Variants in CASR observed in about 807,000 individuals in gnomAD.
CASR encodes extracellular calcium-sensing receptor.
A neutral mutation model predicts 69.1 loss-of-function variants in CASR; 23 were observed. The observed-to-expected ratio is 0.33, with a 90% CI of 0.24 to 0.47. The LOEUF (loss-of-function observed/expected upper bound fraction) is 0.47, where lower values mean the gene tolerates loss of function less well. Among genes scored for constraint, CASR ranks in the 20% least tolerant of loss-of-function variants. CASR has a pLI of 1.00. For missense variants in CASR, 924 were observed against 1,356.1 expected (o/e 0.68, Z 5.00); for synonymous variants, 541 against 544.7 (o/e 0.99, Z 0.10).
chr3:122,230,417 C>A (rs1372264826), intron 1 of CASR, among the ~76,000 whole-genome samples: 1 of 152,260 alleles, frequency 6.6e-6, no homozygotes, highest in Non-Finnish European at 1.5e-5. Flanking sequence ...ACAGCCTGGC[C>A]TGCAGCGGAT....
At position 122,234,813 on chromosome 3, in the gene CASR, C is replaced by T. The variant is rs117835180; in HGVS notation, c.-242-19135C>T. The stretch of plus-strand genomic sequence containing the variant: ...AAGTTTATCTGAGACAGTGTTCCTC[C>T]GGACCAGCTTCGGGTGTCATTAGCA... On this transcript the variant is annotated intron_variant, in intron 1 of 6. Transcript: ENST00000639785. 9.9e-4 allele frequency among the ~76,000 whole-genome samples: 151 copies of T among 152,306 alleles called. 4 individuals are homozygous for T. The East Asian group carries it at 0.014, about 14-fold the overall frequency.
intron 2 of CASR, 87 bp from the exon 3 acceptor site, chr3:122,256,994 T>C (rs377765835): frequency 9.1e-7 from 1 of 1,103,034 alleles, no homozygotes; most frequent in Non-Finnish European, 1.4e-6. Context: ...AACAGTTCGA[T>C]GATTCAAACC....
chr3:122,244,189 T>C (rs2074405296), intron 1 of CASR, among the ~76,000 whole-genome samples: 1 of 152,174 alleles, frequency 6.6e-6, no homozygotes, highest in African/African-American at 2.4e-5. Context: ...ATAATTGGAT[T>C]GTTTGTAACA....
intron 2 of CASR, among the ~76,000 whole-genome samples, 164 bp from the exon 3 acceptor site, chr3:122,256,917 G>A (rs1463428512): frequency 2.0e-5 from 3 of 152,286 alleles, no homozygotes; most frequent in East Asian, 3.9e-4. Context: ...CACCACGCCC[G>A]GCCATGTCAT....
At position 122,286,909 on chromosome 3, in the gene CASR, G is replaced by A. The variant is rs2074975494; in HGVS notation, c.*1718G>A. Reference sequence around the variant, plus strand: ...CTTTCAGTGATTTGTAGGGCAAATTGGTGGACTTGATAGTTGTTAAGATTA... The same window carrying A: ...CTTTCAGTGATTTGTAGGGCAAATTAGTGGACTTGATAGTTGTTAAGATTA... On this transcript the variant is annotated 3_prime_UTR_variant, in exon 7 of 7. Transcript: ENST00000639785. The A allele has an allele frequency of 6.6e-6, 1 of 152,202 alleles. No homozygotes were observed. Among genetic ancestry groups the A allele is most frequent in the African/African-American group, 2.4e-5 (1 of 41,446 alleles). The allele number at this position is 152,202 out of a possible 1,614,324, so 9.4% of individuals were successfully genotyped here. A position where few individuals can be genotyped will look rare whatever the true frequency, so the allele number is the denominator to read the frequency against.
intron 1 of CASR, among the ~76,000 whole-genome samples, chr3:122,251,703 A>G (rs553068083): frequency 6.6e-6 from 1 of 152,358 alleles, no homozygotes; most frequent in East Asian, 1.9e-4. Context: ...GTGACATACA[A>G]AGAGAAGACT....
intron 4 of CASR, among the ~76,000 whole-genome samples, chr3:122,273,973 C>A (rs1042027470): frequency 6.6e-6 from 1 of 152,166 alleles, no homozygotes; most frequent in Non-Finnish European, 1.5e-5. Context: ...ACATCTAGAA[C>A]ACCTCCTCTG....
intron 4 of CASR, among the ~76,000 whole-genome samples, chr3:122,266,168 GAA>G (rs2074691397): frequency 1.3e-5 from 2 of 152,100 alleles, no homozygotes; most frequent in Admixed American, 1.3e-4. Flanking sequence ...ACGCTACTAA[GAA>G]TGTGTGCCAA....
chr3:122,230,071 C>T (rs2074264695), intron 1 of CASR, among the ~76,000 whole-genome samples: 1 of 152,142 alleles, frequency 6.6e-6, no homozygotes, highest in Non-Finnish European at 1.5e-5. Flanking sequence ...CTTCTTGGCC[C>T]CGGCATTACA....
At chr3:122,275,727 T>C (rs1322397674) in intron 4 of CASR, 85 bp from the exon 5 acceptor site, 2 of 886,526 alleles carry the variant, frequency 2.3e-6, no homozygotes, top group Non-Finnish European at 3.8e-6. Context: ...CAAGATAGTC[T>C]ACCGTTGTTG....
rs775620853 is a variant in CASR, at chr3:122,282,082, G to C, written c.1609-31G>C. ...GCTGGCCCCTGACCCTACAACTACA[G>C]CCACTCACCTTTGTGCTGTCTGTCC... On this transcript the variant is annotated intron_variant, in intron 5 of 6. Coordinates refer to ENST00000639785, the MANE Select transcript of CASR (RefSeq NM_000388.4). 7.4e-6 allele frequency: 12 copies of C among 1,614,064 alleles called. 1 individual carries two copies. The South Asian group carries it at 1.3e-4, about 18-fold the overall frequency.
At position 122,285,386 on chromosome 3, in the gene CASR, C is replaced by A; in HGVS notation, c.*195C>A. The stretch of plus-strand genomic sequence containing the variant: ...CCTTTAAAATTAAAAAAAAGAAGAG[C>A]CTTGTGTTTCTGTGGTTGCATTTGT... On this transcript the variant is annotated 3_prime_UTR_variant, in exon 7 of 7. Coordinates refer to ENST00000639785, the MANE Select transcript of CASR (RefSeq NM_000388.4). 3 of 583,698 alleles carry A rather than the reference C, an allele frequency of 5.1e-6. No homozygotes were observed. Among genetic ancestry groups the A allele is most frequent in the East Asian group, 2.9e-5 (1 of 34,358 alleles). The allele number at this position is 583,698 out of a possible 1,614,324, so 36.2% of individuals were successfully genotyped here.
intron 1 of CASR, among the ~76,000 whole-genome samples, chr3:122,250,257 C>T (rs141983370): frequency 1.3e-5 from 2 of 152,034 alleles, no homozygotes; most frequent in African/African-American, 2.4e-5. Flanking sequence ...GAAGCAAATT[C>T]GACCCTGACA....
At chr3:122,198,532 A>C (rs1559934701) in intron 1 of CASR, among the ~76,000 whole-genome samples, 1 of 152,132 alleles carries the variant, frequency 6.6e-6, no homozygotes, top group Admixed American at 6.5e-5. Flanking sequence ...GTGTATATAT[A>C]ATCACTGAAA....
intron 1 of CASR, among the ~76,000 whole-genome samples, chr3:122,219,366 GA>G (rs149786051): frequency 2.0e-3 from 308 of 152,310 alleles, no homozygotes; most frequent in African/African-American, 7.2e-3. Flanking sequence ...GACCCCTAAA[GA>G]AGTGGTGGCA....
At chr3:122,264,172 G>T (rs965749105) in intron 4 of CASR, among the ~76,000 whole-genome samples, 1 of 149,590 alleles carries the variant, frequency 6.7e-6, no homozygotes, top group African/African-American at 2.4e-5. Flanking sequence ...GTAATAGAAA[G>T]CCCTAACCAA....
intron 1 of CASR, among the ~76,000 whole-genome samples, chr3:122,185,695 TC>T (rs139879325): frequency 0.031 from 4,694 of 152,306 alleles, 117 homozygotes; most frequent in Non-Finnish European, 0.047. Context: ...TTTTCCCATC[TC>T]CACTCCAGGA....
intron 1 of CASR, among the ~76,000 whole-genome samples, chr3:122,252,425 G>GAA (rs1553765672): frequency 1.7e-5 from 1 of 59,636 alleles, no homozygotes; most frequent in African/African-American, 6.9e-5. Context: ...AAGAAAGAAA[G>GAA]AAAGAAAGAA....
At chr3:122,238,587 A>C (rs2074352004) in intron 1 of CASR, among the ~76,000 whole-genome samples, 1 of 152,208 alleles carries the variant, frequency 6.6e-6, no homozygotes, top group African/African-American at 2.4e-5. Context: ...GGGAGACACC[A>C]GCCAGGGTGG....
Sources: gnomAD v4.1 joint callset for allele counts (sites outside exome capture counted in the v4.1 genomes callset) on GRCh38, gnomAD v4.1.1 for gene constraint, MANE v1.5 for transcripts, NCBI Gene and HGNC (gene_info 2026-07-23, HGNC 2026-07-21) for gene names.